The following VAT1L variants were observed in gnomAD, a reference collection of about 807,000 sequenced individuals.
VAT1L encodes the protein vesicle amine transport 1 like, also known as putative NADPH-dependent quinone oxidoreductase VAT1L.
VAT1L carries 34 observed loss-of-function variants against 44.1 expected under a neutral mutation model. The ratio of observed to expected loss-of-function variants is 0.77; its 90% CI spans 0.59 to 1.03. The LOEUF is 1.03. Ranked by LOEUF, VAT1L falls within the 50% of genes least tolerant of loss-of-function variation. The pLI is 0.00. For missense variants in VAT1L, 615 were observed against 538.8 expected (o/e 1.14, Z -1.40); for synonymous variants, 253 against 202.2 (o/e 1.25, Z -2.13).
intron 7 of VAT1L, among the ~76,000 whole-genome samples, chr16:77,965,916 G>C (rs373114): frequency 0.23 from 35,131 of 152,042 alleles, 4,539 homozygotes; most frequent in South Asian, 0.32. Flanking sequence ...TGCCCATATA[G>C]AGCTGCAATC....
chr16:77,953,466 T>G (rs1183381955), intron 7 of VAT1L, among the ~76,000 whole-genome samples: 1 of 152,228 alleles, frequency 6.6e-6, no homozygotes, highest in Non-Finnish European at 1.5e-5. Context: ...TTGGTTGAAG[T>G]TATAGCCCAA....
At chr16:77,964,549 C>A (rs930022932) in intron 7 of VAT1L, among the ~76,000 whole-genome samples, 4 of 152,110 alleles carry the variant, frequency 2.6e-5, no homozygotes, top group Non-Finnish European at 5.9e-5. Flanking sequence ...CCAGATAATG[C>A]AGGATAATCC....
At chr16:77,876,708 C>G (rs2017090994) in intron 5 of VAT1L, among the ~76,000 whole-genome samples, 2 of 152,110 alleles carry the variant, frequency 1.3e-5, no homozygotes, top group Admixed American at 6.6e-5. Context: ...CAAGACCAAG[C>G]CAATGTGGTC....
chr16:77,847,495 T>C (rs971457899), intron 3 of VAT1L, among the ~76,000 whole-genome samples: 2 of 152,224 alleles, frequency 1.3e-5, no homozygotes, highest in Non-Finnish European at 2.9e-5. Context: ...GTGCATTTCA[T>C]TTTTGGTACA....
chr16:77,953,458 G>T (rs1227886612), intron 7 of VAT1L, among the ~76,000 whole-genome samples: 1 of 152,090 alleles, frequency 6.6e-6, no homozygotes, highest in Admixed American at 6.5e-5. Context: ...TTGTTTACTT[G>T]GTTGAAGTTA....
intron 6 of VAT1L, among the ~76,000 whole-genome samples, chr16:77,881,152 T>A (rs974847817): frequency 6.6e-6 from 1 of 152,192 alleles, no homozygotes; most frequent in Non-Finnish European, 1.5e-5. Context: ...GGAACTTTTA[T>A]TTTTACCCCT....
Position 77,977,790 on chromosome 16 carries a change from TC to T in VAT1L, c.*97del. On this transcript the variant is annotated 3_prime_UTR_variant, in exon 9 of 9. Transcript: ENST00000302536. ...GTGCCCCAGTGAACAAATGCTGTAGTCCAGTGCGTGTCGTGTTTGTCTGCAG... is the reference window on the plus strand; with the variant it reads ...GTGCCCCAGTGAACAAATGCTGTAGTCAGTGCGTGTCGTGTTTGTCTGCAG... 1 of 1,209,116 alleles carries T rather than the reference TC, an allele frequency of 8.3e-7. No individual in the cohort carries two copies. Among genetic ancestry groups the T allele is most frequent in the Non-Finnish European group, 1.2e-6 (1 of 846,364 alleles). The allele number at this position is 1,209,116 out of a possible 1,614,324, so 74.9% of individuals were successfully genotyped here.
At chr16:77,842,817 G>T (rs2016720189) in intron 3 of VAT1L, among the ~76,000 whole-genome samples, 1 of 152,146 alleles carries the variant, frequency 6.6e-6, no homozygotes, top group Non-Finnish European at 1.5e-5. Flanking sequence ...ATAATACCAA[G>T]TAGCAATTTT....
At chr16:77,806,860 C>T (rs374388770) in intron 1 of VAT1L, among the ~76,000 whole-genome samples, 1 of 152,182 alleles carries the variant, frequency 6.6e-6, no homozygotes, top group South Asian at 2.1e-4. Flanking sequence ...AGGGAGAAAT[C>T]AAGACATGGC....
chr16:77,902,370 T>C (rs1209780972), intron 7 of VAT1L, among the ~76,000 whole-genome samples: 1 of 152,218 alleles, frequency 6.6e-6, no homozygotes, highest in Non-Finnish European at 1.5e-5. Flanking sequence ...TGAGTAGTTA[T>C]CTTGGTAGAT....
chr16:77,823,117 C>T (rs1421326838), intron 2 of VAT1L, among the ~76,000 whole-genome samples: 2 of 151,930 alleles, frequency 1.3e-5, no homozygotes, highest in African/African-American at 4.8e-5. Context: ...GCTGAAGCAG[C>T]TCTATTCCAA....
At chr16:77,933,973 G>A (rs755389592) in intron 7 of VAT1L, among the ~76,000 whole-genome samples, 18 of 152,168 alleles carry the variant, frequency 1.2e-4, no homozygotes, top group Admixed American at 7.2e-4. Context: ...ATGGAATGAC[G>A]TGGTCTGTGT....
At chr16:77,955,087 T>G (rs1259153641) in intron 7 of VAT1L, among the ~76,000 whole-genome samples, 1 of 152,226 alleles carries the variant, frequency 6.6e-6, no homozygotes, top group Non-Finnish European at 1.5e-5. Flanking sequence ...TTCCTCGTTC[T>G]TGGGAAAGAG....
chr16:77,843,649 A>G (rs984003126), intron 3 of VAT1L, among the ~76,000 whole-genome samples: 3 of 152,196 alleles, frequency 2.0e-5, no homozygotes, highest in Admixed American at 2.0e-4. Flanking sequence ...TCTAGAGCCC[A>G]TCCCCACGAT....
chr16:77,864,264 G>A (rs569407058), intron 4 of VAT1L, among the ~76,000 whole-genome samples: 45 of 152,268 alleles, frequency 3.0e-4, no homozygotes, highest in African/African-American at 1.0e-3. Context: ...AAATTGTTAC[G>A]TACAAAGGTA....
chr16:77,888,773 C>T (rs2017234298), intron 7 of VAT1L, among the ~76,000 whole-genome samples: 1 of 152,196 alleles, frequency 6.6e-6, no homozygotes, highest in African/African-American at 2.4e-5. Flanking sequence ...GGGGCAAAAC[C>T]ACTCCTACTT....
chr16:77,944,909 GC>G (rs1218930908), intron 7 of VAT1L, among the ~76,000 whole-genome samples: 1 of 151,736 alleles, frequency 6.6e-6, no homozygotes, highest in Non-Finnish European at 1.5e-5. Flanking sequence ...CTCCTAGTCT[GC>G]CCCCCGCCAC....
chr16:77,865,742 C>T (rs2016967084), intron 4 of VAT1L, among the ~76,000 whole-genome samples: 1 of 152,086 alleles, frequency 6.6e-6, no homozygotes, highest in Non-Finnish European at 1.5e-5. Flanking sequence ...GGCTAGGATC[C>T]CACATCAGGA....
At chr16:77,905,028 G>T (rs949457264) in intron 7 of VAT1L, among the ~76,000 whole-genome samples, 1 of 152,098 alleles carries the variant, frequency 6.6e-6, no homozygotes, top group African/African-American at 2.4e-5. Flanking sequence ...AGTGTTCCAC[G>T]CTCAACAAGG....
Sources: allele counts gnomAD v4.1 joint callset (sites outside exome capture counted in the v4.1 genomes callset), GRCh38; gene constraint gnomAD v4.1.1; transcripts MANE v1.5; gene names NCBI Gene and HGNC (gene_info 2026-07-23, HGNC 2026-07-21).